Variants in NT5C3A observed in about 807,000 individuals in gnomAD.
NT5C3A encodes the protein 5'-nucleotidase, cytosolic IIIA, also known as cytosolic 5'-nucleotidase 3A.
NT5C3A carries 23 observed loss-of-function variants against 40.0 expected under a neutral mutation model. That is an observed-to-expected ratio of 0.58 (90% CI 0.41 to 0.81). The LOEUF (loss-of-function observed/expected upper bound fraction) is 0.81. Ranked by LOEUF, NT5C3A falls within the 40% of genes least tolerant of loss-of-function variation. The probability of loss-of-function intolerance (pLI) is 0.00; values close to 1 mark genes in which losing one functional copy is unlikely to be tolerated. For synonymous variants in NT5C3A, 130 were observed against 141.4 expected (o/e 0.92, Z 0.57); for missense variants, 328 against 403.0 (o/e 0.81, Z 1.59).
chr7:33,023,898 A>G, intron 3 of NT5C3A, 141 bp downstream of exon 3: 1 of 638,274 alleles, frequency 1.6e-6, no homozygotes. Context: ...CCTCAAAAAT[A>G]TAATAAGAAA....
At chr7:33,039,223 A>C (rs1014643120) in intron 1 of NT5C3A, among the ~76,000 whole-genome samples, 2 of 152,164 alleles carry the variant, frequency 1.3e-5, no homozygotes, top group Non-Finnish European at 2.9e-5. Flanking sequence ...CTACATGAAA[A>C]AAAATTACCT....
chr7:33,053,573 A>C (rs1220140997), intron 1 of NT5C3A, among the ~76,000 whole-genome samples: 1 of 151,802 alleles, frequency 6.6e-6, no homozygotes, highest in Non-Finnish European at 1.5e-5. Flanking sequence ...AGGGGGGAAG[A>C]CGGTTTGAGC....
At chr7:33,058,501 G>A (rs556244264) in intron 1 of NT5C3A, among the ~76,000 whole-genome samples, 20 of 151,990 alleles carry the variant, frequency 1.3e-4, no homozygotes, top group Non-Finnish European at 2.2e-4. Context: ...CACCCGCCAC[G>A]ACGCCCAACT....
At position 33,021,976 on chromosome 7, in the gene NT5C3A, G is replaced by C. The variant is rs72555740; in HGVS notation, c.354+77C>G. Reference sequence around the variant, plus strand: ...ACTTTACATCCATTCTTACTTCTGTGAATGCACCTGAAGAAATTCTCAGGC... The same window carrying C: ...ACTTTACATCCATTCTTACTTCTGTCAATGCACCTGAAGAAATTCTCAGGC... On this transcript the variant is annotated intron_variant, in intron 4 of 8. Transcript: ENST00000610140. The C allele has an allele frequency of 9.2e-5, 76 of 825,452 alleles. No individual in the cohort carries two copies. The East Asian group carries it at 1.9e-3, about 20-fold the overall frequency. The allele number at this position is 825,452 out of a possible 1,614,324, so 51.1% of individuals were successfully genotyped here. A position where few individuals can be genotyped will look rare whatever the true frequency, so the allele number is the denominator to read the frequency against.
intron 1 of NT5C3A, chr7:33,038,831 A>T (rs1786746425): frequency 2.2e-6 from 1 of 456,560 alleles, no homozygotes. Context: ...GCCAATGGTC[A>T]TCTGTTGCAG....
Position 33,017,479 on chromosome 7 carries a change from T to A in NT5C3A, c.653A>T (p.Asn218Ile). Residue 218 changes from asparagine to isoleucine, a missense_variant, in exon 7 of 9, where the codon AAT (asparagine) becomes ATT (isoleucine). By Grantham distance (149) the Asn-to-Ile change is moderately radical (BLOSUM62 -3). Transcript: ENST00000610140. ...VIRQAGVYHPNVKVVSNFMDF... is the reference protein window; with the variant it reads ...VIRQAGVYHPIVKVVSNFMDF... Reference sequence around the variant, plus strand: ...CATAAAATTGGACACAACTTTGACATTGGGATGATAAACACCAGCTTGACG... The same window carrying A: ...CATAAAATTGGACACAACTTTGACAATGGGATGATAAACACCAGCTTGACG... 6.2e-7 allele frequency: 1 copy of A among 1,613,580 alleles called. No homozygotes were observed. Among genetic ancestry groups the A allele is most frequent in the Non-Finnish European group, 8.5e-7 (1 of 1,179,506 alleles).
chr7:33,042,074 T>C (rs1040570500), intron 1 of NT5C3A, among the ~76,000 whole-genome samples: 1 of 152,166 alleles, frequency 6.6e-6, no homozygotes, highest in African/African-American at 2.4e-5. Flanking sequence ...TGGTGGCTCA[T>C]GCCTGTAATC....
At chr7:33,040,174 CA>C (rs1419284852) in intron 1 of NT5C3A, among the ~76,000 whole-genome samples, 1 of 152,042 alleles carries the variant, frequency 6.6e-6, no homozygotes, top group East Asian at 1.9e-4. Context: ...AAAAACTAAG[CA>C]AACTGCTTTA....
intron 3 of NT5C3A, among the ~76,000 whole-genome samples, chr7:33,022,558 C>T (rs1199704421): frequency 6.6e-6 from 1 of 152,026 alleles, no homozygotes; most frequent in African/African-American, 2.4e-5. Context: ...TTTTAGCATT[C>T]AATAATAAGT....
At chr7:33,048,440 G>A (rs1038262891) in intron 1 of NT5C3A, among the ~76,000 whole-genome samples, 4 of 152,070 alleles carry the variant, frequency 2.6e-5, no homozygotes, top group African/African-American at 9.7e-5. Flanking sequence ...TTAAAGTTAG[G>A]TCACATGACT....
intron 3 of NT5C3A, chr7:33,023,697 A>G (rs1046574992): frequency 4.5e-6 from 1 of 223,158 alleles, no homozygotes; most frequent in African/African-American, 2.3e-5. Flanking sequence ...AAAATTTGGT[A>G]AAATTCCTAG....
At chr7:33,028,676 G>A (rs1304873855) in intron 1 of NT5C3A, among the ~76,000 whole-genome samples, 2 of 152,130 alleles carry the variant, frequency 1.3e-5, no homozygotes, top group East Asian at 1.9e-4. Context: ...ATCAGATGCC[G>A]TGTTGTTCCT....
At chr7:33,041,054 T>A in intron 1 of NT5C3A, 1 of 985,430 alleles carries the variant, frequency 1.0e-6, no homozygotes, top group Non-Finnish European at 1.2e-6. Context: ...CCTCGCTAGC[T>A]CTGAGCTAGT....
chr7:33,043,357 T>C (rs1176712733), intron 1 of NT5C3A, among the ~76,000 whole-genome samples: 1 of 152,228 alleles, frequency 6.6e-6, no homozygotes, highest in Non-Finnish European at 1.5e-5. Flanking sequence ...GGGGCCATTT[T>C]TACAACCTGA....
intron 1 of NT5C3A, among the ~76,000 whole-genome samples, chr7:33,054,903 G>A (rs1787510672): frequency 6.6e-6 from 1 of 152,198 alleles, no homozygotes; most frequent in African/African-American, 2.4e-5. Flanking sequence ...AGCTAGTTGT[G>A]ACACATAATT....
At chr7:33,043,235 A>C (rs1787006074) in intron 1 of NT5C3A, among the ~76,000 whole-genome samples, 1 of 152,240 alleles carries the variant, frequency 6.6e-6, no homozygotes, top group South Asian at 2.1e-4. Context: ...CTACTGATTG[A>C]AAAAAGTTAT....
intron 1 of NT5C3A, among the ~76,000 whole-genome samples, chr7:33,049,622 C>T (rs1787283427): frequency 6.6e-6 from 1 of 151,992 alleles, no homozygotes; most frequent in Non-Finnish European, 1.5e-5. Flanking sequence ...ATATTGTACA[C>T]AAAATAGAAT....
rs6943893 is a variant in NT5C3A at position 33,057,081 on chromosome 7, G to A, written c.138+5487C>T. 2.8e-3 allele frequency among the ~76,000 whole-genome samples: 421 copies of A among 152,164 alleles called. 2 individuals carry two copies. Among genetic ancestry groups the A allele is most frequent in the African/African-American group, 9.9e-3 (411 of 41,528 alleles). On this transcript the variant is annotated intron_variant, in intron 1 of 8. Coordinates refer to ENST00000610140, the MANE Select transcript of NT5C3A (RefSeq NM_001002010.5). ...GCCCGCCTTGGCCTCCCAAAGTGCT[G>A]GGATTACAGGTGTGAGCCACCGCAC...
intron 1 of NT5C3A, chr7:33,039,013 C>T: frequency 2.4e-6 from 1 of 413,150 alleles, no homozygotes; most frequent in Non-Finnish European, 4.8e-6. Flanking sequence ...AAAATAATTA[C>T]TTTGTGTGCT....
Sources: allele counts gnomAD v4.1 joint callset (sites outside exome capture counted in the v4.1 genomes callset), GRCh38; gene constraint gnomAD v4.1.1; transcripts MANE v1.5; gene names NCBI Gene and HGNC (gene_info 2026-07-23, HGNC 2026-07-21).